Variants in KIAA0319 observed in about 807,000 individuals in gnomAD.
The protein encoded by KIAA0319 is dyslexia-associated protein KIAA0319.
A neutral mutation model predicts 108.4 loss-of-function variants in KIAA0319; 83 were observed. The observed-to-expected ratio is 0.77, with a 90% CI of 0.64 to 0.92. KIAA0319 has a LOEUF of 0.92. KIAA0319 is among the 40% of genes least tolerant of loss of function. The pLI is 0.00. For synonymous variants in KIAA0319, 484 were observed against 510.4 expected (o/e 0.95, Z 0.70); for missense variants, 1,195 against 1,322.4 (o/e 0.90, Z 1.49).
At chr6:24,585,336 TAAA>T (rs529068850) in intron 4 of KIAA0319, among the ~76,000 whole-genome samples, 1 of 141,114 alleles carries the variant, frequency 7.1e-6, no homozygotes, top group African/African-American at 2.6e-5. Flanking sequence ...CTACAAAGAT[TAAA>T]AAAAAAAAAA....
chr6:24,565,941 A>G (rs915112976), intron 14 of KIAA0319, among the ~76,000 whole-genome samples: 1 of 152,144 alleles, frequency 6.6e-6, no homozygotes, highest in Non-Finnish European at 1.5e-5. Flanking sequence ...AAGGATGGAA[A>G]AGCATCCTGC....
intron 17 of KIAA0319, among the ~76,000 whole-genome samples, chr6:24,558,753 T>C (rs914860984): frequency 1.3e-5 from 2 of 152,248 alleles, no homozygotes; most frequent in Non-Finnish European, 2.9e-5. Context: ...TTTAACACTG[T>C]TCTTTCTGCC....
chr6:24,583,564 C>T (rs760915827), intron 5 of KIAA0319, 40 bp downstream of exon 5: 1 of 1,374,398 alleles, frequency 7.3e-7, no homozygotes, highest in South Asian at 1.2e-5. Flanking sequence ...AGAAAAACAC[C>T]CCAGTTCCTA....
chr6:24,638,753 C>T (rs1342857084), intron 1 of KIAA0319, among the ~76,000 whole-genome samples: 2 of 93,270 alleles, frequency 2.1e-5, no homozygotes, highest in African/African-American at 9.9e-5. Flanking sequence ...GTGCCAGACT[C>T]CGTCTCAAAA....
At chr6:24,582,471 TTTC>T (rs1221253183) in intron 5 of KIAA0319, 125 bp from the exon 6 acceptor site, 7 of 259,952 alleles carry the variant, frequency 2.7e-5, no homozygotes, top group East Asian at 3.6e-4. Context: ...TCAACTCAGC[TTTC>T]TTTTTTTTTT....
chr6:24,579,412 G>GATAT (rs3840133), intron 8 of KIAA0319, among the ~76,000 whole-genome samples: 6,794 of 127,178 alleles, frequency 0.053, 483 homozygotes, highest in African/African-American at 0.13. Context: ...TCTATATAAA[G>GATAT]ATATATATAT....
In KIAA0319 at chr6:24,569,961, C is replaced by T. The variant is rs1764452918; in HGVS notation, c.1933G>A (p.Asp645Asn). 1 of 1,614,082 alleles carries T rather than the reference C, an allele frequency of 6.2e-7. No individual in the cohort carries two copies. Among genetic ancestry groups the T allele is most frequent in the African/African-American group, 1.3e-5 (1 of 75,058 alleles). ...TGGTCATCGCTGCTGCTGCTCCCAT[C>T]CAGGGTAGCACTTTCCACTGGGAAG... ...LIFPVESATL[D>N]GSSSSDDHGI... Residue 645 changes from aspartate (D) to asparagine (N), a missense_variant, in exon 12 of 21, where the codon GAT becomes AAT. Physicochemically the swap from Asp to Asn is conservative, Grantham distance 23. Transcript: ENST00000378214.
At chr6:24,620,375 A>G (rs1299833897) in intron 1 of KIAA0319, among the ~76,000 whole-genome samples, 1 of 152,180 alleles carries the variant, frequency 6.6e-6, no homozygotes, top group Non-Finnish European at 1.5e-5. Context: ...ATCTCAGCTC[A>G]CTGCAACCTC....
chr6:24,557,106 G>A (rs1762405758), intron 17 of KIAA0319, among the ~76,000 whole-genome samples: 1 of 152,172 alleles, frequency 6.6e-6, no homozygotes. Flanking sequence ...TCAGGGGGCT[G>A]AAGCAGGAGA....
rs1561912784 is a variant in KIAA0319, at chr6:24,553,286, TATATATATACACAC to T, written c.2948+1241_2948+1254del. 3.5e-4 allele frequency among the ~76,000 whole-genome samples: 29 copies of T among 82,628 alleles called. No homozygotes were observed. In the East Asian group the frequency reaches 6.8e-3, roughly 19 times the overall value. 54.2% of individuals were successfully genotyped at this position (82,628 alleles called of 152,430 possible). On this transcript the variant is annotated intron_variant, in intron 19 of 20. Transcript: ENST00000378214. ...TACTTGTGAGATAGATATATATATA[TATATATATACACAC>T]ACACACACACACACACACACACACA...
chr6:24,542,987 C>T (rs937729735), downstream of KIAA0319, among the ~76,000 whole-genome samples: 3 of 152,214 alleles, frequency 2.0e-5, no homozygotes, highest in African/African-American at 7.2e-5. Context: ...TGATTGGAAA[C>T]CTGGGTAGAA....
At chr6:24,622,157 T>C (rs1356923449) in intron 1 of KIAA0319, among the ~76,000 whole-genome samples, 1 of 152,056 alleles carries the variant, frequency 6.6e-6, no homozygotes, top group Non-Finnish European at 1.5e-5. Context: ...GAGGGAAACC[T>C]GACCAGACAC....
intron 1 of KIAA0319, among the ~76,000 whole-genome samples, chr6:24,602,865 C>T (rs1278771072): frequency 6.6e-6 from 1 of 152,076 alleles, no homozygotes; most frequent in East Asian, 1.9e-4. Context: ...TGATGGCACG[C>T]AGGTAATATG....
chr6:24,583,501 G>T, intron 5 of KIAA0319, 103 bp downstream of exon 5: 1 of 786,948 alleles, frequency 1.3e-6, no homozygotes, highest in Non-Finnish European at 2.1e-6. Context: ...GTGACGTCGT[G>T]CAATACTGTG....
At chr6:24,616,478 C>T (rs559092701) in intron 1 of KIAA0319, among the ~76,000 whole-genome samples, 2 of 152,308 alleles carry the variant, frequency 1.3e-5, no homozygotes, top group East Asian at 1.9e-4. Flanking sequence ...CTGCCTCAGC[C>T]TCCCGAGTGG....
chr6:24,569,160 C>T (rs569669768), intron 12 of KIAA0319, among the ~76,000 whole-genome samples: 1 of 152,136 alleles, frequency 6.6e-6, no homozygotes, highest in Non-Finnish European at 1.5e-5. Flanking sequence ...TATTTGTTCT[C>T]GATTTTTTTA....
At chr6:24,557,138 G>T (rs1762410114) in intron 17 of KIAA0319, among the ~76,000 whole-genome samples, 1 of 152,140 alleles carries the variant, frequency 6.6e-6, no homozygotes, top group South Asian at 2.1e-4. Flanking sequence ...CAGGGAGTTG[G>T]AGGTTGCAGT....
At chr6:24,589,937 G>A (rs1025327305) in intron 3 of KIAA0319, among the ~76,000 whole-genome samples, 1 of 152,166 alleles carries the variant, frequency 6.6e-6, no homozygotes, top group Non-Finnish European at 1.5e-5. Context: ...GGAGGGAAAA[G>A]TCTCATAATA....
chr6:24,613,304 G>A (rs962711077), intron 1 of KIAA0319, among the ~76,000 whole-genome samples: 1 of 152,026 alleles, frequency 6.6e-6, no homozygotes, highest in African/African-American at 2.4e-5. Flanking sequence ...GGCAGACTTA[G>A]CAAATGAAAA....
Sources: allele counts gnomAD v4.1 joint callset (sites outside exome capture counted in the v4.1 genomes callset), GRCh38; gene constraint gnomAD v4.1.1; transcripts MANE v1.5; gene names NCBI Gene and HGNC (gene_info 2026-07-23, HGNC 2026-07-21).